The following LUZP4 variants were observed in gnomAD, a reference collection of about 807,000 sequenced individuals.
LUZP4 encodes the protein leucine zipper protein 4, also known as HOM-TES-85 tumor antigen.
A neutral mutation model predicts 8.5 loss-of-function variants in LUZP4; 11 were observed. That is an observed-to-expected ratio of 1.30 (90% CI 0.82 to 2.14). The LOEUF is 2.14. Among genes scored for constraint, LUZP4 ranks in the 30% most tolerant of loss-of-function variants. The pLI is 0.00. For synonymous variants in LUZP4, 104 were observed against 79.4 expected, an observed-to-expected ratio of 1.31 and a Z score of -1.65; for missense variants, 276 against 229.7, an observed-to-expected ratio of 1.20 and a Z score of -1.30.
intron 1 of LUZP4, among the ~76,000 whole-genome samples, chrX:115,293,066 A>C (rs1459308868): frequency 1.8e-5 from 2 of 110,686 alleles, no homozygotes; most frequent in Non-Finnish European, 3.8e-5. Flanking sequence ...TAAATGAGGC[A>C]CTTGCTTCCA....
chrX:115,296,373 G>A (rs1288060725), intron 1 of LUZP4, among the ~76,000 whole-genome samples: 1 of 111,116 alleles, frequency 9.0e-6, no homozygotes, highest in Non-Finnish European at 1.9e-5. Context: ...AAGGCTCTTT[G>A]GTGAGGCCTG....
In LUZP4 at chrX:115,299,591, T is replaced by C. The variant is rs2073386783; in HGVS notation, c.92-2401T>C. Among the ~76,000 whole-genome samples the C allele has an allele frequency of 2.8e-5, 3 of 108,420 alleles. No homozygotes were observed. The Admixed American group carries it at 2.9e-4, about 11-fold the overall frequency. 94.1% of individuals were successfully genotyped at this position (108,420 alleles called of 115,157 possible). A position where few individuals can be genotyped will look rare whatever the true frequency, so the allele number is the denominator to read the frequency against. ...GCCAGTCATCCTAGGCCAGGTAGAG[T>C]ACTGTTGGACTACCATAGATGTTCC... On this transcript the variant is annotated intron_variant, in intron 1 of 3. Coordinates refer to ENST00000371920, the MANE Select transcript of LUZP4 (RefSeq NM_016383.5).
chrX:115,293,613 T>G (rs1316810289), intron 1 of LUZP4, among the ~76,000 whole-genome samples: 13 of 111,045 alleles, frequency 1.2e-4, no homozygotes, highest in African/African-American at 4.2e-4. Context: ...AAAAGCTTGA[T>G]ATTTTGTTCA....
At chrX:115,295,339 A>G (rs893452086) in intron 1 of LUZP4, among the ~76,000 whole-genome samples, 1 of 112,026 alleles carries the variant, frequency 8.9e-6, no homozygotes. Context: ...TTGGCCTCCC[A>G]AAGTGCTGGG....
chrX:115,306,028 G>A (rs1286680875), intron 3 of LUZP4, among the ~76,000 whole-genome samples, 177 bp from the exon 4 acceptor site: 4 of 111,510 alleles, frequency 3.6e-5, no homozygotes, highest in Admixed American at 2.9e-4. Flanking sequence ...CCAGTGACAC[G>A]ATACAATGGA....
intron 2 of LUZP4, among the ~76,000 whole-genome samples, chrX:115,302,448 G>A (rs1221229438): frequency 1.8e-5 from 2 of 112,164 alleles, no homozygotes; most frequent in Non-Finnish European, 3.8e-5. Context: ...CAATACAGGA[G>A]GGTTAAGAGC....
intron 3 of LUZP4, among the ~76,000 whole-genome samples, chrX:115,305,619 T>C (rs2073416894): frequency 8.9e-6 from 1 of 112,558 alleles, no homozygotes; most frequent in Admixed American, 9.4e-5. Flanking sequence ...TCTTTTTGGC[T>C]TAAAAATTGA....
At chrX:115,293,389 C>T (rs2073356669) in intron 1 of LUZP4, among the ~76,000 whole-genome samples, 1 of 109,696 alleles carries the variant, frequency 9.1e-6, no homozygotes, top group Admixed American at 9.7e-5. Context: ...GGCAATCCTC[C>T]CACCTCAGCC....
Position 115,306,535 on chromosome X carries a change from T to G in LUZP4, c.673T>G (p.Ser225Ala), listed in dbSNP as rs1556604107. ...SERSHGHSER[S>A]HGHSKRSRSQ... Reference sequence around the variant, plus strand: ...GAGATCTCATGGTCACTCAGAGAGATCTCATGGTCACTCAAAGAGATCTCG... The same window carrying G: ...GAGATCTCATGGTCACTCAGAGAGAGCTCATGGTCACTCAAAGAGATCTCG... Residue 225 changes from serine (S) to alanine (A), a missense_variant, in exon 4 of 4, where the codon TCT becomes GCT. Transcript: ENST00000371920. 1 of 1,207,260 alleles carries G rather than the reference T, an allele frequency of 8.3e-7. No homozygotes were observed. Among genetic ancestry groups the G allele is most frequent in the Non-Finnish European group, 1.1e-6 (1 of 894,823 alleles).
At chrX:115,304,745 T>C (rs2073412881) in intron 3 of LUZP4, among the ~76,000 whole-genome samples, 1 of 109,737 alleles carries the variant, frequency 9.1e-6, no homozygotes, top group Non-Finnish European at 1.9e-5. Context: ...AGTATCCTTC[T>C]ATTATTCATA....
chrX:115,305,192 T>A (rs2049881444), intron 3 of LUZP4, among the ~76,000 whole-genome samples: 1 of 112,137 alleles, frequency 8.9e-6, no homozygotes, highest in African/African-American at 3.2e-5. Flanking sequence ...TCTTTCCTAC[T>A]GACCCACTGT....
At chrX:115,303,269 T>G in intron 2 of LUZP4, 31 bp from the exon 3 acceptor site, 1 of 859,005 alleles carries the variant, frequency 1.2e-6, no homozygotes, top group Non-Finnish European at 1.7e-6. Context: ...ATTTACTACT[T>G]GAAAATACAG....
intron 3 of LUZP4, among the ~76,000 whole-genome samples, chrX:115,304,765 CT>C (rs1201119887): frequency 9.2e-6 from 1 of 108,863 alleles, no homozygotes; most frequent in Non-Finnish European, 1.9e-5. Context: ...ACTTTTGAAA[CT>C]TTTGAGACTA....
intron 1 of LUZP4, among the ~76,000 whole-genome samples, chrX:115,294,480 A>G (rs1365617854): frequency 9.0e-6 from 1 of 111,667 alleles, no homozygotes; most frequent in Non-Finnish European, 1.9e-5. Flanking sequence ...AATATTTGCT[A>G]TATGTGCCCC....
At chrX:115,298,841 A>G (rs1427721953) in intron 1 of LUZP4, among the ~76,000 whole-genome samples, 1 of 111,300 alleles carries the variant, frequency 9.0e-6, no homozygotes, top group Non-Finnish European at 1.9e-5. Flanking sequence ...GTTTTCCTGG[A>G]TGCTGTTGAT....
At position 115,306,763 on chromosome X, in the gene LUZP4, C is replaced by CTG; in HGVS notation, c.901_902insTG (p.His301LeufsTer12). 8.3e-7 allele frequency: 1 copy of CTG among 1,207,844 alleles called. No individual in the cohort carries two copies. The highest frequency in any genetic ancestry group is 1.1e-6 in the Non-Finnish European group (1 of 892,016). On this transcript the variant is annotated frameshift_variant, in exon 4 of 4. Coordinates refer to ENST00000371920, the MANE Select transcript of LUZP4 (RefSeq NM_016383.5). LOFTEE classifies it low-confidence loss of function (END_TRUNC). ...GAGATCTCATGGCCAATCAGAAAGA[C>CTG]ATCAGAGATACTCAACAGGTAAAAA...
intron 1 of LUZP4, among the ~76,000 whole-genome samples, 182 bp downstream of exon 1, chrX:115,290,032 CT>C (rs1314793941): frequency 1.8e-5 from 2 of 110,621 alleles, no homozygotes; most frequent in African/African-American, 6.6e-5. Flanking sequence ...CACTTGGCCC[CT>C]ATCCCTCCTC....
intron 1 of LUZP4, among the ~76,000 whole-genome samples, chrX:115,292,024 G>T (rs1185790960): frequency 8.9e-6 from 1 of 112,262 alleles, no homozygotes; most frequent in African/African-American, 3.2e-5. Context: ...GACCTCAAGT[G>T]ATACACCCAC....
Position 115,289,830 on chromosome X carries a change from A to T in LUZP4, c.71A>T (p.Asn24Ile). Residue 24 changes from asparagine to isoleucine, a missense_variant, in exon 1 of 4, where the codon AAC (asparagine) becomes ATC (isoleucine). Physicochemically the swap from Asn to Ile is moderately radical, Grantham distance 149 (BLOSUM62 -3). Coordinates refer to ENST00000371920, the MANE Select transcript of LUZP4 (RefSeq NM_016383.5). Reference protein sequence around the residue: ...PPNHPSRKKVNFLDMSLDDII... With the variant: ...PPNHPSRKKVIFLDMSLDDII... ...AATCATCCCAGTCGGAAAAAGGTTA[A>T]CTTCCTAGATATGTCTCTAGGTATG... 8.3e-7 allele frequency: 1 copy of T among 1,203,290 alleles called. No individual in the cohort carries two copies.
Sources: allele counts gnomAD v4.1 joint callset (sites outside exome capture counted in the v4.1 genomes callset), GRCh38; gene constraint gnomAD v4.1.1; transcripts MANE v1.5; gene names NCBI Gene and HGNC (gene_info 2026-07-23, HGNC 2026-07-21).